Variants in DLG2 observed in about 807,000 individuals in gnomAD.
DLG2 encodes disks large homolog 2.
A neutral mutation model predicts 132.5 loss-of-function variants in DLG2; 45 were observed. The observed-to-expected ratio is 0.34, with a 90% CI of 0.27 to 0.44. DLG2 has a LOEUF of 0.44. Among genes scored for constraint, DLG2 ranks in the 20% least tolerant of loss-of-function variants. DLG2 has a pLI of 1.00. For synonymous variants in DLG2, 424 were observed against 419.6 expected (o/e 1.01, Z -0.13); for missense variants, 1,045 against 1,196.9 (o/e 0.87, Z 1.87).
chr11:84,608,182 C>T (rs533029953), intron 6 of DLG2, among the ~76,000 whole-genome samples: 62 of 152,314 alleles, frequency 4.1e-4, no homozygotes, highest in African/African-American at 1.4e-3. Flanking sequence ...CTAGCAAAGG[C>T]CCTGGCACTG....
At chr11:84,620,939 G>C (rs2099612757) in intron 6 of DLG2, among the ~76,000 whole-genome samples, 1 of 152,118 alleles carries the variant, frequency 6.6e-6, no homozygotes, top group South Asian at 2.1e-4. Flanking sequence ...CAGAATCAAA[G>C]TATCTGTTAG....
intron 9 of DLG2, among the ~76,000 whole-genome samples, chr11:84,138,001 T>G (rs1338304405): frequency 1.3e-5 from 2 of 152,162 alleles, no homozygotes; most frequent in Non-Finnish European, 2.9e-5. Context: ...ATTATAATAC[T>G]ATGTGAAACA....
At chr11:83,634,041 C>CTGAT (rs1202214378) in intron 18 of DLG2, among the ~76,000 whole-genome samples, 42 of 151,852 alleles carry the variant, frequency 2.8e-4, no homozygotes, top group African/African-American at 9.9e-4. Context: ...TACTCTCAGC[C>CTGAT]TGATAGACCT....
At chr11:85,435,074 A>G (rs1474731378) in intron 3 of DLG2, among the ~76,000 whole-genome samples, 1 of 152,242 alleles carries the variant, frequency 6.6e-6, no homozygotes, top group East Asian at 1.9e-4. Flanking sequence ...CAAAAGCCAC[A>G]TGATTATAGA....
chr11:83,915,342 G>A (rs551703228), intron 15 of DLG2, among the ~76,000 whole-genome samples: 2 of 152,264 alleles, frequency 1.3e-5, no homozygotes, highest in South Asian at 2.1e-4. Context: ...TTAGTTTTAT[G>A]TAATGGAATG....
At chr11:84,271,297 A>C (rs1228876510) in intron 7 of DLG2, among the ~76,000 whole-genome samples, 1 of 152,222 alleles carries the variant, frequency 6.6e-6, no homozygotes, top group Non-Finnish European at 1.5e-5. Flanking sequence ...CTGAATGATA[A>C]TTTGGGCATG....
chr11:83,630,845 G>A (rs1041088303), intron 19 of DLG2, among the ~76,000 whole-genome samples: 2 of 152,084 alleles, frequency 1.3e-5, no homozygotes, highest in Non-Finnish European at 2.9e-5. Flanking sequence ...GATAGCTAAG[G>A]TTCCTTCTAG....
chr11:84,565,203 G>C (rs1209581574), intron 6 of DLG2, among the ~76,000 whole-genome samples: 2 of 152,124 alleles, frequency 1.3e-5, no homozygotes, highest in Non-Finnish European at 2.9e-5. Context: ...AGAGGCTTCT[G>C]ACAAAGAAAA....
At chr11:83,742,970 CACAA>C (rs1033176054) in intron 18 of DLG2, among the ~76,000 whole-genome samples, 15 of 152,144 alleles carry the variant, frequency 9.9e-5, no homozygotes, top group African/African-American at 3.6e-4. Context: ...AACACAGGAA[CACAA>C]ACAAAGTAAA....
chr11:84,830,804 T>C (rs551406078), intron 6 of DLG2, among the ~76,000 whole-genome samples: 3 of 151,664 alleles, frequency 2.0e-5, no homozygotes, highest in Non-Finnish European at 4.4e-5. Context: ...TACTTTTCAA[T>C]GTATAAGATA....
At chr11:83,870,189 T>C (rs980718869) in intron 16 of DLG2, among the ~76,000 whole-genome samples, 1 of 152,100 alleles carries the variant, frequency 6.6e-6, no homozygotes, top group African/African-American at 2.4e-5. Context: ...CATGGCCATA[T>C]TCCACAGTGG....
chr11:85,512,215 T>C (rs1231046544), intron 3 of DLG2, among the ~76,000 whole-genome samples: 1 of 151,916 alleles, frequency 6.6e-6, no homozygotes, highest in African/African-American at 2.4e-5. Flanking sequence ...AAAATAGCAA[T>C]AACAAAGAAC....
At chr11:84,424,565 A>G (rs1256511457) in intron 7 of DLG2, among the ~76,000 whole-genome samples, 2 of 152,134 alleles carry the variant, frequency 1.3e-5, no homozygotes, top group African/African-American at 4.8e-5. Flanking sequence ...CACGAGGTTT[A>G]AGTAACTTGC....
intron 5 of DLG2, among the ~76,000 whole-genome samples, chr11:85,126,974 G>T (rs1385542186): frequency 6.6e-6 from 1 of 152,178 alleles, no homozygotes; most frequent in Non-Finnish European, 1.5e-5. Flanking sequence ...AACACAGGTT[G>T]TGGCAGAAAA....
intron 15 of DLG2, among the ~76,000 whole-genome samples, chr11:83,913,311 C>G (rs1189393988): frequency 1.3e-5 from 2 of 151,998 alleles, no homozygotes; most frequent in African/African-American, 4.8e-5. Flanking sequence ...TTCACAGGAT[C>G]ACCAAATACA....
chr11:85,043,559 T>C (rs1320880611), intron 6 of DLG2, among the ~76,000 whole-genome samples: 4 of 151,892 alleles, frequency 2.6e-5, no homozygotes, highest in Admixed American at 6.6e-5. Context: ...AGGCACTGTA[T>C]GCATGCAAAA....
At chr11:84,560,764 C>T (rs947491489) in intron 6 of DLG2, among the ~76,000 whole-genome samples, 16 of 151,954 alleles carry the variant, frequency 1.1e-4, no homozygotes, top group African/African-American at 3.9e-4. Flanking sequence ...GAGGGGTATG[C>T]TGAAGATGGA....
chr11:83,751,853 A>G (rs1044784730), intron 18 of DLG2, among the ~76,000 whole-genome samples: 2 of 152,222 alleles, frequency 1.3e-5, no homozygotes, highest in Non-Finnish European at 2.9e-5. Context: ...ACCAATATGG[A>G]GTTCTTTGGA....
At chr11:84,207,579 G>T (rs2096688664) in intron 8 of DLG2, among the ~76,000 whole-genome samples, 1 of 152,110 alleles carries the variant, frequency 6.6e-6, no homozygotes, top group South Asian at 2.1e-4. Flanking sequence ...GGATTACCTG[G>T]ATATCTATTG....
Sources: gnomAD v4.1 joint callset for allele counts (sites outside exome capture counted in the v4.1 genomes callset) on GRCh38, gnomAD v4.1.1 for gene constraint, MANE v1.5 for transcripts, NCBI Gene and HGNC (gene_info 2026-07-23, HGNC 2026-07-21) for gene names.